The following CTBP1 variants were observed in gnomAD, a reference collection of about 807,000 sequenced individuals.
The protein encoded by CTBP1 is C-terminal binding protein 1.
CTBP1 carries 11 observed loss-of-function variants against 42.1 expected under a neutral mutation model. That is an observed-to-expected ratio of 0.26 (90% confidence interval 0.16 to 0.43). The LOEUF (loss-of-function observed/expected upper bound fraction) is 0.43, where lower values mean the gene tolerates loss of function less well. Ranked by LOEUF, CTBP1 falls within the 20% of genes least tolerant of loss-of-function variation. The pLI is 1.00. For missense variants in CTBP1, 399 were observed against 624.3 expected, an observed-to-expected ratio of 0.64 and a Z score of 3.85; for synonymous variants, 324 against 277.1, an observed-to-expected ratio of 1.17 and a Z score of -1.68.
In CTBP1 at chr4:1,244,607, C is replaced by G. The variant is rs1046948334; in HGVS notation, c.-188-3088G>C. Reference sequence around the variant, plus strand: ...CTCCTCACCAACCCCATCTTCTTCCCCCTCCCCACAGCAGCCCCTAAAGCC... The same window carrying G: ...CTCCTCACCAACCCCATCTTCTTCCGCCTCCCCACAGCAGCCCCTAAAGCC... On this transcript the variant is annotated intron_variant, in intron 1 of 9. Coordinates refer to ENST00000382952, the MANE Select transcript of CTBP1 (RefSeq NM_001012614.2). 7.5e-5 allele frequency: 74 copies of G among 985,208 alleles called. 4 individuals are homozygous for G. 61.0% of individuals were successfully genotyped at this position (985,208 alleles called of 1,614,324 possible).
chr4:1,226,380 C>T (rs1320898856), intron 4 of CTBP1, among the ~76,000 whole-genome samples: 1 of 152,160 alleles, frequency 6.6e-6, no homozygotes, highest in East Asian at 1.9e-4. Context: ...CAGGACAGGG[C>T]TGCATTCATA....
chr4:1,241,256 C>A (rs1483949098), intron 2 of CTBP1, 69 bp downstream of exon 2: 8 of 783,012 alleles, frequency 1.0e-5, no homozygotes, highest in South Asian at 6.7e-5. Flanking sequence ...GAGGCAGTGC[C>A]TCCTCCACAC....
At chr4:1,227,065 C>G (rs1446776997) in intron 4 of CTBP1, among the ~76,000 whole-genome samples, 1 of 152,058 alleles carries the variant, frequency 6.6e-6, no homozygotes, top group Non-Finnish European at 1.5e-5. Context: ...TGGCAGAAAA[C>G]AGAAAGTGCG....
rs183846271 is a variant in CTBP1, at chr4:1,231,485, A to T, written c.163-3142T>A. On this transcript the variant is annotated intron_variant, in intron 3 of 9. Coordinates refer to ENST00000382952, the MANE Select transcript of CTBP1 (RefSeq NM_001012614.2). Reference sequence around the variant, plus strand: ...GGCTGGGGAAAGCTGGGTGCCCAGGAAGCTCGGCTGCCACCGGGCTGGAAA... The same window carrying T: ...GGCTGGGGAAAGCTGGGTGCCCAGGTAGCTCGGCTGCCACCGGGCTGGAAA... 3.2e-3 allele frequency among the ~76,000 whole-genome samples: 492 copies of T among 152,074 alleles called. 8 individuals carry two copies. The highest frequency in any genetic ancestry group is 0.011 in the African/African-American group (467 of 41,474).
chr4:1,246,186 A>G (rs1364813609), intron 1 of CTBP1, among the ~76,000 whole-genome samples: 1 of 152,108 alleles, frequency 6.6e-6, no homozygotes, highest in African/African-American at 2.4e-5. Context: ...GCAGCTGACA[A>G]TGGAGGACCC....
rs969009616 is a variant in CTBP1 at position 1,248,714 on chromosome 4, G to C, written c.-189+202C>G. The C allele has an allele frequency of 1.5e-5, 15 of 981,778 alleles. No homozygotes were observed. In the African/African-American group the frequency reaches 2.3e-4, roughly 15 times the overall value. The allele number at this position is 981,778 out of a possible 1,614,324, so 60.8% of individuals were successfully genotyped here. A position where few individuals can be genotyped will look rare whatever the true frequency, so the allele number is the denominator to read the frequency against. On this transcript the variant is annotated intron_variant, in intron 1 of 9. Transcript: ENST00000382952. Reference sequence around the variant, plus strand: ...ACTGCGGCGCTCGCGCACACGCAGCGGCCCGCGCATGCGCAAGACCCTTCC... The same window carrying C: ...ACTGCGGCGCTCGCGCACACGCAGCCGCCCGCGCATGCGCAAGACCCTTCC...
intron 9 of CTBP1, 59 bp downstream of exon 9, chr4:1,212,854 G>T: frequency 7.0e-7 from 1 of 1,430,850 alleles, no homozygotes; most frequent in East Asian, 2.3e-5. Context: ...GCTGTGCTGG[G>T]ATCCAGGGGA....
intron 1 of CTBP1, chr4:1,244,778 C>T (rs1577081607): frequency 1.0e-6 from 1 of 985,302 alleles, no homozygotes; most frequent in South Asian, 4.7e-5. Flanking sequence ...TGCCGTGAGT[C>T]CCCGGCAGCC....
At chr4:1,245,475 G>C (rs1391274615) in intron 1 of CTBP1, 4 of 985,388 alleles carry the variant, frequency 4.1e-6, no homozygotes, top group Non-Finnish European at 4.8e-6. Context: ...GACAGCCTCG[G>C]ATGCCTCTGA....
rs1233939922 is a variant in CTBP1 at position 1,238,446 on chromosome 4, T to C, written c.8-109A>G. ...GCCAACGAGGGCCGACCGCCGGGGGTTTTCTGGTCTATATGTTGTGATATT... is the reference window on the plus strand; with the variant it reads ...GCCAACGAGGGCCGACCGCCGGGGGCTTTCTGGTCTATATGTTGTGATATT... On this transcript the variant is annotated intron_variant, in intron 2 of 9. Transcript: ENST00000382952. The surrounding 1 kb of genome is among the most constrained non-coding windows in gnomAD (Gnocchi z 5.9). The C allele has an allele frequency of 3.1e-6, 4 of 1,289,006 alleles. No homozygotes were observed. Among genetic ancestry groups the C allele is most frequent in the Middle Eastern group, 4.7e-4 (2 of 4,284 alleles). The allele number at this position is 1,289,006 out of a possible 1,614,324, so 79.8% of individuals were successfully genotyped here.
At chr4:1,247,943 G>C (rs1351555354) in intron 1 of CTBP1, among the ~76,000 whole-genome samples, 1 of 152,248 alleles carries the variant, frequency 6.6e-6, no homozygotes, top group East Asian at 1.9e-4. Context: ...CAATCACGGA[G>C]ACGACAGCAA....
chr4:1,233,624 G>A lies in CTBP1; in HGVS notation c.162+4559C>T, dbSNP rs114838300. Among the ~76,000 whole-genome samples the A allele has an allele frequency of 4.6e-3, 693 of 152,250 alleles. 4 individuals carry two copies. The highest frequency in any genetic ancestry group is 0.014 in the African/African-American group (600 of 41,544). ...ATTCCAAAGCAGGCGAGTGGGGCTG[G>A]GCTGAGTCTTGTGTCCCGGTGGGTG... On this transcript the variant is annotated intron_variant, in intron 3 of 9. Transcript: ENST00000382952. This position sits in a 1 kb window ranked among gnomAD's most constrained non-coding sequence, Gnocchi z 4.6.
chr4:1,229,152 T>C (rs913171614), intron 3 of CTBP1, among the ~76,000 whole-genome samples: 4 of 152,162 alleles, frequency 2.6e-5, no homozygotes, highest in African/African-American at 9.7e-5. Flanking sequence ...GGGCTCCCAG[T>C]TACCCCCAGC....
At chr4:1,214,586 C>T (rs969024751) in intron 6 of CTBP1, 113 bp from the exon 7 acceptor site, 89 of 1,324,320 alleles carry the variant, frequency 6.7e-5, no homozygotes, top group Non-Finnish European at 8.5e-5. Context: ...CTAGCCCCTT[C>T]CCAGCCCCAC....
At position 1,238,178 on chromosome 4, in the gene CTBP1, G is replaced by A. The variant is rs1488521316; in HGVS notation, c.162+5C>T. 8 of 1,612,766 alleles carry A rather than the reference G, an allele frequency of 5.0e-6. No individual in the cohort carries two copies. Among genetic ancestry groups the A allele is most frequent in the African/African-American group, 1.3e-5 (1 of 74,926 alleles). ...TGCCAGCCCCAGGCGACCACGTGGT[G>A]GTACCTTCTCATGGATCTCCTGCGT... On this transcript the variant is annotated splice_donor_5th_base_variant and intron_variant, in intron 3 of 9. Coordinates refer to ENST00000382952, the MANE Select transcript of CTBP1 (RefSeq NM_001012614.2). This position sits in a 1 kb window ranked among gnomAD's most constrained non-coding sequence, Gnocchi z 5.9.
intron 3 of CTBP1, among the ~76,000 whole-genome samples, chr4:1,230,427 C>T (rs1730847162): frequency 6.6e-6 from 1 of 152,220 alleles, no homozygotes; most frequent in Admixed American, 6.5e-5. Context: ...GCTTCGTCGG[C>T]ACCCACTGTG....
In CTBP1 at chr4:1,242,957, C is replaced by G. The variant is rs985074878; in HGVS notation, c.-188-1438G>C. On this transcript the variant is annotated intron_variant, in intron 1 of 9. Coordinates refer to ENST00000382952, the MANE Select transcript of CTBP1 (RefSeq NM_001012614.2). ...CCAGCCGATACTCATCAATGCCAGCCGATACTCATCAACGCCAACCGATAC... is the reference window on the plus strand; with the variant it reads ...CCAGCCGATACTCATCAATGCCAGCGGATACTCATCAACGCCAACCGATAC... 2.8e-5 allele frequency: 28 copies of G among 985,298 alleles called. 1 individual carries two copies. The East Asian group carries it at 3.4e-4, about 12-fold the overall frequency. 61.0% of individuals were successfully genotyped at this position (985,298 alleles called of 1,614,324 possible). A position where few individuals can be genotyped will look rare whatever the true frequency, so the allele number is the denominator to read the frequency against.
chr4:1,220,885 A>T (rs535273933), intron 5 of CTBP1, among the ~76,000 whole-genome samples: 2 of 152,220 alleles, frequency 1.3e-5, no homozygotes, highest in African/African-American at 2.4e-5. Context: ...AAACACAGAG[A>T]ACCTGTTACC....
chr4:1,238,584 A>ACCTCCGAGACCCTCCAAGTCC lies in CTBP1; in HGVS notation c.8-268_8-248dup, dbSNP rs1342213623. On this transcript the variant is annotated intron_variant, in intron 2 of 9. Coordinates refer to ENST00000382952, the MANE Select transcript of CTBP1 (RefSeq NM_001012614.2). This position sits in a 1 kb window ranked among gnomAD's most constrained non-coding sequence, Gnocchi z 5.9. ...CACTACCATCTCCCTTGGGCACAGG[A>ACCTCCGAGACCCTCCAAGTCC]CCTCCGAGACCCTCCAAGTCCCCTC... Among the ~76,000 whole-genome samples, 7 of 151,632 alleles carry ACCTCCGAGACCCTCCAAGTCC rather than the reference A, an allele frequency of 4.6e-5. No individual in the cohort carries two copies. Among genetic ancestry groups the ACCTCCGAGACCCTCCAAGTCC allele is most frequent in the African/African-American group, 1.5e-4 (6 of 41,226 alleles).
Sources: allele counts gnomAD v4.1 joint callset (sites outside exome capture counted in the v4.1 genomes callset), GRCh38; gene constraint gnomAD v4.1.1; non-coding constraint Gnocchi (gnomAD v3.1); transcripts MANE v1.5; gene names NCBI Gene and HGNC (gene_info 2026-07-23, HGNC 2026-07-21).